Variants in ACAN observed in about 807,000 individuals in gnomAD.
ACAN encodes aggrecan.
A neutral mutation model predicts 169.1 loss-of-function variants in ACAN; 47 were observed. The observed-to-expected ratio is 0.28, with a 90% CI of 0.22 to 0.35. The LOEUF (loss-of-function observed/expected upper bound fraction) is 0.35, where lower values mean the gene tolerates loss of function less well. ACAN is among the 10% of genes least tolerant of loss of function. The pLI, the probability that ACAN is intolerant of heterozygous loss-of-function variation, is 1.00. For synonymous variants in ACAN, 1,115 were observed against 1,112.2 expected (o/e 1.00, Z -0.05); for missense variants, 2,716 against 2,759.9 (o/e 0.98, Z 0.36).
At chr15:88,822,924 C>G (rs1055152475) in intron 1 of ACAN, among the ~76,000 whole-genome samples, 1 of 152,206 alleles carries the variant, frequency 6.6e-6, no homozygotes, top group Non-Finnish European at 1.5e-5. Flanking sequence ...ACTAGTCACC[C>G]CTTGTTTCCC....
intron 1 of ACAN, among the ~76,000 whole-genome samples, chr15:88,805,541 G>C (rs1033725355): frequency 2.6e-5 from 4 of 152,092 alleles, no homozygotes; most frequent in African/African-American, 9.7e-5. Context: ...TGCTGTGCCT[G>C]GTATTTTCAT....
chr15:88,858,311 C>T lies in ACAN; in HGVS notation c.5726C>T (p.Ser1909Phe). 1 of 1,613,958 alleles carries T rather than the reference C, an allele frequency of 6.2e-7. No individual in the cohort carries two copies. Among genetic ancestry groups the T allele is most frequent in the Non-Finnish European group, 8.5e-7 (1 of 1,179,886 alleles). The part of the protein sequence containing the change: ...SGIAEVSGES[S>F]RAEIGSSLPS... ...ATAGCTGAGGTCAGTGGAGAATCCT[C>T]CAGAGCTGAGATTGGGAGCAGCCTG... Residue 1909 changes from serine (S) to phenylalanine (F), a missense_variant, in exon 12 of 19, where the codon TCC becomes TTC. By Grantham distance (155) the Ser-to-Phe change is radical. Transcript: ENST00000560601. This position sits in a 1 kb window ranked among gnomAD's most constrained non-coding sequence, Gnocchi z 4.0.
At chr15:88,810,965 C>T (rs1380372186) in intron 1 of ACAN, among the ~76,000 whole-genome samples, 1 of 152,190 alleles carries the variant, frequency 6.6e-6, no homozygotes, top group Non-Finnish European at 1.5e-5. Context: ...CTTCCTTCCC[C>T]AAGGGCAGGA....
intron 1 of ACAN, among the ~76,000 whole-genome samples, chr15:88,819,111 C>T (rs1230591736): frequency 6.6e-6 from 1 of 152,160 alleles, no homozygotes; most frequent in African/African-American, 2.4e-5. Flanking sequence ...GGCTATTAAG[C>T]ACTATAATCC....
intron 1 of ACAN, among the ~76,000 whole-genome samples, chr15:88,813,159 A>G (rs1358526682): frequency 6.6e-6 from 1 of 152,240 alleles, no homozygotes; most frequent in African/African-American, 2.4e-5. Flanking sequence ...CTTGGCACAC[A>G]GTAGGTGGTC....
intron 1 of ACAN, among the ~76,000 whole-genome samples, chr15:88,832,407 C>T (rs941456455): frequency 6.6e-5 from 10 of 151,444 alleles, no homozygotes; most frequent in African/African-American, 2.4e-5. Flanking sequence ...GACAGGAGTT[C>T]GAGACCAGCC....
At chr15:88,828,019 A>G (rs2141535449) in intron 1 of ACAN, among the ~76,000 whole-genome samples, 1 of 152,160 alleles carries the variant, frequency 6.6e-6, no homozygotes, top group African/African-American at 2.4e-5. Context: ...TAGTAGTTTG[A>G]AACAAAAGTG....
At position 88,855,039 on chromosome 15, in the gene ACAN, C is replaced by T. The variant is rs758681426; in HGVS notation, c.2454C>T (p.Phe818=). 1.3e-6 allele frequency: 2 copies of T among 1,592,702 alleles called. No homozygotes were observed. Among genetic ancestry groups the T allele is most frequent in the Non-Finnish European group, 1.7e-6 (2 of 1,170,866 alleles). ...SVRPFPSVEL[F]PSEEPFPSKE... is the part of the protein sequence containing the mutation. Reference sequence around the variant, plus strand: ...GGCCATTCCCCTCAGTGGAGCTGTTCCCCTCAGAGGAGCCATTCCCCTCCA... The same window carrying T: ...GGCCATTCCCCTCAGTGGAGCTGTTTCCCTCAGAGGAGCCATTCCCCTCCA... Residue 818 remains phenylalanine, a synonymous_variant, in exon 12 of 19, where the codon TTC becomes TTT. Transcript: ENST00000560601.
intron 7 of ACAN, 63 bp from the exon 8 acceptor site, chr15:88,847,180 T>C (rs1431834477): frequency 7.6e-5 from 110 of 1,454,270 alleles, no homozygotes; most frequent in Non-Finnish European, 9.9e-5. Flanking sequence ...TCTGTGCCCA[T>C]GGAGCCTTGG....
At chr15:88,847,152 AG>A in intron 7 of ACAN, 90 bp from the exon 8 acceptor site, 1 of 1,307,270 alleles carries the variant, frequency 7.6e-7, no homozygotes, top group Non-Finnish European at 1.0e-6. Context: ...TATGTCAGGC[AG>A]CAGGAGTTGG....
intron 11 of ACAN, among the ~76,000 whole-genome samples, chr15:88,854,484 G>C (rs549418146): frequency 6.6e-6 from 1 of 152,338 alleles, no homozygotes; most frequent in Non-Finnish European, 1.5e-5. Context: ...GTGGTCTTCA[G>C]TGGTGGGCAG....
intron 10 of ACAN, chr15:88,850,049 G>T (rs943879541): frequency 1.5e-5 from 9 of 594,472 alleles, no homozygotes; most frequent in South Asian, 1.0e-4. Context: ...AGATATAATG[G>T]TTCCTACTTC....
chr15:88,844,528 T>C (rs1212088107), intron 6 of ACAN, among the ~76,000 whole-genome samples: 1 of 152,034 alleles, frequency 6.6e-6, no homozygotes, highest in East Asian at 1.9e-4. Context: ...GTGTGCACCA[T>C]CATGCCCAGC....
At position 88,868,382 on chromosome 15, in the gene ACAN, C is replaced by T; in HGVS notation, c.7060+53C>T. 1.5e-6 allele frequency: 1 copy of T among 685,840 alleles called. No individual in the cohort carries two copies. The highest frequency in any genetic ancestry group is 2.0e-5 in the Admixed American group (1 of 48,906). 42.5% of individuals were successfully genotyped at this position (685,840 alleles called of 1,614,324 possible). ...TTACTAACTGCTGCACCCCCTCCTC[C>T]TCCCTCACCTTTCCCTCCTAACAAC... On this transcript the variant is annotated intron_variant, in intron 14 of 18. Transcript: ENST00000560601. The surrounding 1 kb of genome is among the most constrained non-coding windows in gnomAD (Gnocchi z 5.2).
intron 1 of ACAN, among the ~76,000 whole-genome samples, chr15:88,830,674 T>C (rs1896337483): frequency 6.6e-6 from 1 of 152,138 alleles, no homozygotes; most frequent in South Asian, 2.1e-4. Context: ...AGATAAACAA[T>C]GGTACACCTA....
Position 88,849,793 on chromosome 15 carries a change from AC to A in ACAN, c.2026+64del. On this transcript the variant is annotated intron_variant, in intron 10 of 18. Transcript: ENST00000560601. The surrounding 1 kb of genome is among the most constrained non-coding windows in gnomAD (Gnocchi z 5.1). ...GTCTGGAGAGGACCCCACTGGGTTC[AC>A]CGGATCCTGCCACCACCCAGTATCC... The A allele has an allele frequency of 2.5e-6, 4 of 1,574,104 alleles. No individual in the cohort carries two copies. The highest frequency in any genetic ancestry group is 3.5e-6 in the Non-Finnish European group (4 of 1,158,602).
chr15:88,835,602 A>C (rs993342953), intron 1 of ACAN, among the ~76,000 whole-genome samples: 5 of 152,226 alleles, frequency 3.3e-5, no homozygotes, highest in African/African-American at 1.2e-4. Flanking sequence ...TTTCAGTTTG[A>C]AAGTCAGTAA....
At chr15:88,806,828 G>A (rs1358477339) in intron 1 of ACAN, among the ~76,000 whole-genome samples, 1 of 152,110 alleles carries the variant, frequency 6.6e-6, no homozygotes, top group Non-Finnish European at 1.5e-5. Flanking sequence ...CCAACTGCAG[G>A]TTGTGAGATC....
rs62640041 is a variant in ACAN, at chr15:88,847,942, G to A, written c.1636G>A (p.Val546Met). 6.8e-6 allele frequency: 11 copies of A among 1,613,740 alleles called. No homozygotes were observed. The highest frequency in any genetic ancestry group is 1.7e-5 in the Admixed American group (1 of 59,992). ...CATTGTGAGCCCCCGGACCCCATGC[G>A]TGGGTGACAAGGACAGCAGCCCAGG... is the stretch of plus-strand genomic sequence containing the variant. ...YPIVSPRTPCVGDKDSSPGVR... is the reference protein window; with the variant it reads ...YPIVSPRTPCMGDKDSSPGVR... Residue 546 changes from valine to methionine, a missense_variant, in exon 9 of 19, where the codon GTG (valine) becomes ATG (methionine). Val to Met is a conservative substitution (Grantham distance 21). Transcript: ENST00000560601.
Sources: allele counts gnomAD v4.1 joint callset (sites outside exome capture counted in the v4.1 genomes callset), GRCh38; gene constraint gnomAD v4.1.1; non-coding constraint Gnocchi (gnomAD v3.1); transcripts MANE v1.5; gene names NCBI Gene and HGNC (gene_info 2026-07-23, HGNC 2026-07-21).